The following CA10 variants were observed in gnomAD, a reference collection of about 807,000 sequenced individuals.
CA10 encodes the protein carbonic anhydrase 10 (inactive).
In CA10, 14 loss-of-function variants were observed where a neutral mutation model predicts 44.2. The ratio of observed to expected loss-of-function variants is 0.32; its 90% CI spans 0.21 to 0.50. The LOEUF is 0.50. CA10 is among the 20% of genes least tolerant of loss of function. The probability of loss-of-function intolerance (pLI) is 0.99; values close to 1 mark genes in which losing one functional copy is unlikely to be tolerated. For synonymous variants in CA10, 159 were observed against 141.6 expected (o/e 1.12, Z -0.87); for missense variants, 350 against 409.7 (o/e 0.85, Z 1.26).
At chr17:51,826,043 A>G (rs1178851015) in intron 3 of CA10, among the ~76,000 whole-genome samples, 1 of 152,242 alleles carries the variant, frequency 6.6e-6, no homozygotes. Context: ...AGCAATGGTA[A>G]TAACTACTTG....
intron 2 of CA10, among the ~76,000 whole-genome samples, chr17:51,985,797 A>G (rs1191991849): frequency 1.3e-5 from 2 of 152,082 alleles, no homozygotes; most frequent in African/African-American, 4.8e-5. Context: ...ATACCTAACA[A>G]AGGAGGTGAA....
chr17:52,158,091 C>A lies in CA10; in HGVS notation c.-305G>T. 2.0e-6 allele frequency: 1 copy of A among 512,042 alleles called. No homozygotes were observed. Among genetic ancestry groups the A allele is most frequent in the Non-Finnish European group, 3.5e-6 (1 of 284,492 alleles). The allele number at this position is 512,042 out of a possible 1,614,324, so 31.7% of individuals were successfully genotyped here. ...CTTCTCTTCGCACCAGCGGCGGAAACCGCACTAGCAGCGGCGGCGGCGGCG... is the reference window on the plus strand; with the variant it reads ...CTTCTCTTCGCACCAGCGGCGGAAAACGCACTAGCAGCGGCGGCGGCGGCG... On this transcript the variant is annotated 5_prime_UTR_variant, in exon 1 of 9. Transcript: ENST00000451037.
At chr17:52,139,329 G>A (rs16951028) in intron 1 of CA10, among the ~76,000 whole-genome samples, 30,592 of 152,050 alleles carry the variant, frequency 0.2, 3,623 homozygotes, top group South Asian at 0.34. Context: ...ATATCCATTA[G>A]TTTAGAAAGC....
intron 3 of CA10, among the ~76,000 whole-genome samples, chr17:51,823,562 G>T (rs1476650700): frequency 6.6e-6 from 1 of 152,222 alleles, no homozygotes; most frequent in African/African-American, 2.4e-5. Context: ...TCACTGTAGA[G>T]GGAGAACAGG....
chr17:51,799,257 A>G (rs1488465566), intron 3 of CA10, among the ~76,000 whole-genome samples: 1 of 152,236 alleles, frequency 6.6e-6, no homozygotes, highest in Non-Finnish European at 1.5e-5. Flanking sequence ...GCTGCAAAAT[A>G]AATAACCATA....
At chr17:51,920,134 G>C (rs1481824580) in intron 3 of CA10, among the ~76,000 whole-genome samples, 5 of 152,110 alleles carry the variant, frequency 3.3e-5, no homozygotes, top group African/African-American at 1.2e-4. Flanking sequence ...ATTATACTCA[G>C]TTCTGGGATA....
chr17:52,139,970 C>G (rs575216453), intron 1 of CA10, among the ~76,000 whole-genome samples: 1 of 152,088 alleles, frequency 6.6e-6, no homozygotes, highest in Non-Finnish European at 1.5e-5. Flanking sequence ...TTTTCAAACA[C>G]CCCCACCACC....
chr17:52,089,998 C>T (rs941245729), intron 1 of CA10, among the ~76,000 whole-genome samples: 2 of 152,024 alleles, frequency 1.3e-5, no homozygotes, highest in Non-Finnish European at 1.5e-5. Context: ...TTCACGTATT[C>T]TCAGTAGTTT....
At chr17:51,836,926 A>G (rs1908499746) in intron 3 of CA10, among the ~76,000 whole-genome samples, 1 of 152,126 alleles carries the variant, frequency 6.6e-6, no homozygotes. Flanking sequence ...ACCTCTTTCC[A>G]TTGGAAGGTT....
chr17:51,678,200 C>A (rs1473282749), intron 4 of CA10, among the ~76,000 whole-genome samples: 1 of 152,028 alleles, frequency 6.6e-6, no homozygotes, highest in Non-Finnish European at 1.5e-5. Flanking sequence ...GACAGGTTGC[C>A]AGAAGCTGGG....
chr17:51,676,991 C>A (rs1353668711), intron 4 of CA10, among the ~76,000 whole-genome samples: 1 of 152,136 alleles, frequency 6.6e-6, no homozygotes, highest in Non-Finnish European at 1.5e-5. Context: ...GATTTGATAT[C>A]TGGTGTTTGT....
intron 1 of CA10, among the ~76,000 whole-genome samples, chr17:52,132,842 T>C (rs1231281957): frequency 6.6e-6 from 1 of 151,914 alleles, no homozygotes; most frequent in Non-Finnish European, 1.5e-5. Context: ...GGGGACTTGG[T>C]CCAGACACAG....
intron 4 of CA10, among the ~76,000 whole-genome samples, chr17:51,730,522 G>T (rs978624798): frequency 2.6e-5 from 4 of 152,188 alleles, no homozygotes; most frequent in Non-Finnish European, 2.9e-5. Flanking sequence ...GCAATAAAGC[G>T]AGTCATGCTA....
At chr17:51,644,333 G>A (rs1003110477) in intron 6 of CA10, among the ~76,000 whole-genome samples, 5 of 152,092 alleles carry the variant, frequency 3.3e-5, no homozygotes, top group Admixed American at 6.5e-5. Flanking sequence ...CAGCCACACG[G>A]GAGCCTCTTC....
At chr17:52,013,216 A>T (rs1020786655) in intron 2 of CA10, among the ~76,000 whole-genome samples, 1 of 152,042 alleles carries the variant, frequency 6.6e-6, no homozygotes. Context: ...ACAGGAGGAA[A>T]TAAATCAATG....
At chr17:51,700,407 C>T (rs1021609403) in intron 4 of CA10, among the ~76,000 whole-genome samples, 12 of 152,116 alleles carry the variant, frequency 7.9e-5, no homozygotes, top group African/African-American at 2.7e-4. Context: ...GGGTTTTGTC[C>T]GACATCTTCT....
intron 3 of CA10, among the ~76,000 whole-genome samples, chr17:51,799,817 A>G (rs1487680712): frequency 1.3e-5 from 2 of 152,238 alleles, no homozygotes; most frequent in Admixed American, 6.5e-5. Context: ...GTGAGATGCC[A>G]TTTCATTCCC....
chr17:51,993,700 A>T (rs1214820894), intron 2 of CA10, among the ~76,000 whole-genome samples: 2 of 152,194 alleles, frequency 1.3e-5, no homozygotes, highest in Middle Eastern at 3.4e-3. Context: ...TGAGCTGCAT[A>T]TGTGATTTTG....
rs1219770261 is a variant in CA10, at chr17:52,157,877, A to ACACTTCCGAGCGAGTGCACACTCGCACT, written c.-119_-92dup. 2.2e-4 allele frequency: 218 copies of ACACTTCCGAGCGAGTGCACACTCGCACT among 1,011,472 alleles called. No homozygotes were observed. Among genetic ancestry groups the ACACTTCCGAGCGAGTGCACACTCGCACT allele is most frequent in the Admixed American group, 5.8e-4 (34 of 58,762 alleles). The allele number at this position is 1,011,472 out of a possible 1,614,324, so 62.7% of individuals were successfully genotyped here. On this transcript the variant is annotated 5_prime_UTR_variant, in exon 1 of 9. Coordinates refer to ENST00000451037, the MANE Select transcript of CA10 (RefSeq NM_020178.5). ...GGCACACACACATACACACTCGCACACACTTCCGAGCGAGTGCACACTCGC... is the reference window on the plus strand; with the variant it reads ...GGCACACACACATACACACTCGCACACACTTCCGAGCGAGTGCACACTCGCACTCACTTCCGAGCGAGTGCACACTCGC...
Sources: allele counts gnomAD v4.1 joint callset (sites outside exome capture counted in the v4.1 genomes callset), GRCh38; gene constraint gnomAD v4.1.1; transcripts MANE v1.5; gene names NCBI Gene and HGNC (gene_info 2026-07-23, HGNC 2026-07-21).